TTC39C: variants seen among roughly 807,000 people sequenced by gnomAD.
TTC39C encodes tetratricopeptide repeat domain 39C.
TTC39C carries 33 observed loss-of-function variants against 76.3 expected under a neutral mutation model. The observed-to-expected ratio is 0.43, with a 90% CI of 0.33 to 0.58. The LOEUF (loss-of-function observed/expected upper bound fraction) is 0.58. Ranked by LOEUF, TTC39C falls within the 20% of genes least tolerant of loss-of-function variation. The pLI is 0.04. For missense variants in TTC39C, 595 were observed against 701.4 expected, an observed-to-expected ratio of 0.85 and a Z score of 1.71; for synonymous variants, 254 against 260.6, an observed-to-expected ratio of 0.97 and a Z score of 0.24.
intron 1 of TTC39C, among the ~76,000 whole-genome samples, chr18:24,007,564 A>G (rs1220683773): frequency 1.3e-5 from 2 of 152,114 alleles, no homozygotes; most frequent in Non-Finnish European, 2.9e-5. Flanking sequence ...TTGTATTTTT[A>G]GTAGAGACAG....
In TTC39C at chr18:24,020,112, AG is replaced by A. The variant is rs529066000; in HGVS notation, c.167+5076del. On this transcript the variant is annotated intron_variant, in intron 1 of 13. Coordinates refer to ENST00000317571, the MANE Select transcript of TTC39C (RefSeq NM_001135993.2). ...TCCACAGATGCAGAGATGTAAGAAA[AG>A]GAGAAGAAATGAAAAGCAGAAATGG... 2.3e-3 allele frequency: 2,913 copies of A among 1,277,378 alleles called. 5 individuals are homozygous for A. The highest frequency in any genetic ancestry group is 2.8e-3 in the Non-Finnish European group (2,812 of 1,015,050). 79.1% of individuals were successfully genotyped at this position (1,277,378 alleles called of 1,614,324 possible). A position where few individuals can be genotyped will look rare whatever the true frequency, so the allele number is the denominator to read the frequency against.
chr18:24,006,482 A>T (rs1022512449), intron 1 of TTC39C: 2 of 148,812 alleles, frequency 1.3e-5, no homozygotes, highest in African/African-American at 5.0e-5. Flanking sequence ...GTTGGGGTAG[A>T]TCATCTTTTG....
intron 1 of TTC39C, among the ~76,000 whole-genome samples, chr18:24,029,247 C>T (rs961956208): frequency 2.6e-5 from 4 of 152,170 alleles, no homozygotes; most frequent in African/African-American, 9.6e-5. Context: ...GGATTATAGG[C>T]GTGTACCACC....
chr18:23,998,439 C>G (rs1356254884), intron 1 of TTC39C, among the ~76,000 whole-genome samples: 1 of 152,106 alleles, frequency 6.6e-6, no homozygotes, highest in Non-Finnish European at 1.5e-5. Flanking sequence ...GTGAGACCCC[C>G]ATCTCTCTAA....
Position 24,134,857 on chromosome 18 carries a change from TTTTA to T in TTC39C, c.*2287_*2290del, listed in dbSNP as rs1252835402. ...ATTTCTGCCTGCTTAAAAAAAATAC[TTTTA>T]TTTCCCCACAGAGAGTTCAGGACTT... On this transcript the variant is annotated 3_prime_UTR_variant, in exon 14 of 14. Transcript: ENST00000317571. 6.6e-6 allele frequency: 1 copy of T among 152,216 alleles called. No individual in the cohort carries two copies. Among genetic ancestry groups the T allele is most frequent in the Non-Finnish European group, 1.5e-5 (1 of 68,036 alleles). The allele number at this position is 152,216 out of a possible 1,614,324, so 9.4% of individuals were successfully genotyped here.
chr18:24,057,248 C>A (rs771354093), intron 1 of TTC39C, among the ~76,000 whole-genome samples: 10 of 152,178 alleles, frequency 6.6e-5, no homozygotes, highest in Non-Finnish European at 1.0e-4. Flanking sequence ...GCCACAGTAC[C>A]ATTACACACC....
At chr18:24,022,415 A>C (rs1431802984) in intron 1 of TTC39C, 1 of 189,724 alleles carries the variant, frequency 5.3e-6, no homozygotes, top group Non-Finnish European at 9.8e-6. Context: ...GGGAGGAGGA[A>C]GAGCCCTGGG....
chr18:24,069,672 T>C (rs1353869130), intron 4 of TTC39C, among the ~76,000 whole-genome samples: 1 of 152,234 alleles, frequency 6.6e-6, no homozygotes, highest in African/African-American at 2.4e-5. Flanking sequence ...TGGTTTCACG[T>C]ATATTAGGAG....
intron 1 of TTC39C, among the ~76,000 whole-genome samples, chr18:23,997,670 GAAAGAAA>G (rs1568398770): frequency 8.6e-5 from 7 of 81,178 alleles, no homozygotes; most frequent in South Asian, 4.1e-4. Flanking sequence ...AAGAAAGAAA[GAAAGAAA>G]GAAAGAAAGA....
chr18:24,090,320 A>C (rs2084500871), intron 6 of TTC39C, among the ~76,000 whole-genome samples: 1 of 152,182 alleles, frequency 6.6e-6, no homozygotes, highest in Non-Finnish European at 1.5e-5. Flanking sequence ...AAATGATGAG[A>C]AATTCTCAAG....
At chr18:24,132,062 C>A in intron 13 of TTC39C, 142 bp downstream of exon 13, 1 of 705,490 alleles carries the variant, frequency 1.4e-6, no homozygotes, top group Non-Finnish European at 2.3e-6. Flanking sequence ...CCAATTGAAT[C>A]AGTGAGCTCT....
intron 7 of TTC39C, 87 bp downstream of exon 7, chr18:24,114,734 C>A: frequency 9.8e-7 from 1 of 1,021,632 alleles, no homozygotes; most frequent in Non-Finnish European, 1.5e-6. Flanking sequence ...TGTGTGTCTA[C>A]AAAATGCTTG....
At chr18:24,070,571 G>A (rs67259009) in intron 4 of TTC39C, among the ~76,000 whole-genome samples, 20,062 of 152,162 alleles carry the variant, frequency 0.13, 1,703 homozygotes, top group Admixed American at 0.22. Context: ...CTGGCCAGGT[G>A]CCTTGGCTCA....
intron 6 of TTC39C, among the ~76,000 whole-genome samples, chr18:24,096,359 T>G (rs2084589663): frequency 6.6e-6 from 1 of 152,240 alleles, no homozygotes; most frequent in Non-Finnish European, 1.5e-5. Flanking sequence ...AATTATATTT[T>G]CTGTCTATTA....
intron 4 of TTC39C, among the ~76,000 whole-genome samples, chr18:24,074,200 T>A (rs1345002030): frequency 6.6e-6 from 1 of 152,236 alleles, no homozygotes; most frequent in Non-Finnish European, 1.5e-5. Flanking sequence ...TGTTTCTGAA[T>A]CTTTGGGAAG....
intron 1 of TTC39C, among the ~76,000 whole-genome samples, chr18:24,062,502 T>C (rs568927673): frequency 6.6e-6 from 1 of 152,248 alleles, no homozygotes; most frequent in South Asian, 2.1e-4. Context: ...GAAAAACTAA[T>C]GTGTATTTTG....
At chr18:24,017,382 G>A (rs1028166464) in intron 1 of TTC39C, among the ~76,000 whole-genome samples, 5 of 152,166 alleles carry the variant, frequency 3.3e-5, no homozygotes, top group Non-Finnish European at 5.9e-5. Context: ...CTATAAAATA[G>A]GAGTAACAGT....
rs1020779606 is a variant in TTC39C at position 24,133,563 on chromosome 18, T to G, written c.*989T>G. ...AAGGTTATTCGTGAATGAACATAGA[T>G]TTTGGCCTCAAAATATTTGCTGGTG... On this transcript the variant is annotated 3_prime_UTR_variant, in exon 14 of 14. Coordinates refer to ENST00000317571, the MANE Select transcript of TTC39C (RefSeq NM_001135993.2). 1.3e-5 allele frequency: 2 copies of G among 152,234 alleles called. No individual in the cohort carries two copies. Among genetic ancestry groups the G allele is most frequent in the African/African-American group, 4.8e-5 (2 of 41,468 alleles). The allele number at this position is 152,234 out of a possible 1,614,324, so 9.4% of individuals were successfully genotyped here. A position where few individuals can be genotyped will look rare whatever the true frequency, so the allele number is the denominator to read the frequency against.
chr18:24,077,803 C>A (rs1417820250), intron 4 of TTC39C, among the ~76,000 whole-genome samples: 11 of 152,104 alleles, frequency 7.2e-5, no homozygotes, highest in Non-Finnish European at 1.6e-4. Flanking sequence ...TCTGTTAAAC[C>A]TTTGGCTTTT....
Sources: gnomAD v4.1 joint callset for allele counts (sites outside exome capture counted in the v4.1 genomes callset) on GRCh38, gnomAD v4.1.1 for gene constraint, MANE v1.5 for transcripts, NCBI Gene and HGNC (gene_info 2026-07-23, HGNC 2026-07-21) for gene names.